DOK6: variants seen among roughly 807,000 people sequenced by gnomAD.
DOK6 encodes the protein downstream of tyrosine kinase 6.
Under a neutral mutation model 44.0 loss-of-function variants are expected in DOK6, and 22 were observed. That is an observed-to-expected ratio of 0.50 (90% CI 0.36 to 0.71). The LOEUF (loss-of-function observed/expected upper bound fraction) is 0.71, where lower values mean the gene tolerates loss of function less well. DOK6 is among the 30% of genes least tolerant of loss of function. DOK6 has a pLI of 0.00. For missense variants in DOK6, 340 were observed against 416.4 expected (o/e 0.82, Z 1.60); for synonymous variants, 166 against 145.5 (o/e 1.14, Z -1.01).
At chr18:69,612,180 C>T (rs954262430) in intron 3 of DOK6, among the ~76,000 whole-genome samples, 9 of 150,454 alleles carry the variant, frequency 6.0e-5, no homozygotes, top group African/African-American at 2.2e-4. Context: ...AGGTATATGT[C>T]TGTGATCTTA....
chr18:69,707,617 T>A (rs2144711988), intron 5 of DOK6, among the ~76,000 whole-genome samples: 1 of 152,326 alleles, frequency 6.6e-6, no homozygotes, highest in Non-Finnish European at 1.5e-5. Context: ...CAACTGGAAC[T>A]GATCTCTCAC....
At chr18:69,555,154 T>C (rs1369093779) in intron 1 of DOK6, among the ~76,000 whole-genome samples, 1 of 152,224 alleles carries the variant, frequency 6.6e-6, no homozygotes, top group East Asian at 1.9e-4. Context: ...CAATAATGTT[T>C]TGTGTCTTAT....
In DOK6 at chr18:69,439,206, T is replaced by C. The variant is rs375514129; in HGVS notation, c.66+37896T>C. ...GTAGGTCTCAACATTAGGCTTAAAA[T>C]ATTCAGTAAACCATGCTGTAAACAG... On this transcript the variant is annotated intron_variant, in intron 1 of 7. Coordinates refer to ENST00000382713, the MANE Select transcript of DOK6 (RefSeq NM_152721.6). 2.6e-4 allele frequency among the ~76,000 whole-genome samples: 40 copies of C among 152,368 alleles called. 2 individuals carry two copies. The South Asian group carries it at 8.3e-3, about 32-fold the overall frequency.
intron 1 of DOK6, among the ~76,000 whole-genome samples, chr18:69,403,812 G>C (rs768735574): frequency 3.9e-5 from 6 of 152,068 alleles, no homozygotes; most frequent in Non-Finnish European, 8.8e-5. Flanking sequence ...GCCTTAAAGA[G>C]TCATACCCCA....
At position 69,848,062 on chromosome 18, in the gene DOK6, C is replaced by CAT. The variant is rs1555674713; in HGVS notation, c.*6680_*6681dup. ...ACACACACACACACACACACACACA[C>CAT]ATTTTTGGCTTTTGACCCACTCTGT... On this transcript the variant is annotated 3_prime_UTR_variant, in exon 8 of 8. Coordinates refer to ENST00000382713, the MANE Select transcript of DOK6 (RefSeq NM_152721.6). 2 of 131,568 alleles carry CAT rather than the reference C, an allele frequency of 1.5e-5. No homozygotes were observed. Among genetic ancestry groups the CAT allele is most frequent in the African/African-American group, 5.5e-5 (2 of 36,088 alleles). The allele number at this position is 131,568 out of a possible 1,614,324, so 8.2% of individuals were successfully genotyped here.
At chr18:69,734,939 A>C (rs1978553214) in intron 5 of DOK6, among the ~76,000 whole-genome samples, 1 of 152,204 alleles carries the variant, frequency 6.6e-6, no homozygotes, top group African/African-American at 2.4e-5. Flanking sequence ...GACAAGAAAA[A>C]GAGGGCGTGG....
At chr18:69,580,813 C>A (rs887624851) in intron 2 of DOK6, among the ~76,000 whole-genome samples, 2 of 152,096 alleles carry the variant, frequency 1.3e-5, no homozygotes, top group Non-Finnish European at 2.9e-5. Flanking sequence ...ATTTAAAAAA[C>A]AACTTCTCAA....
intron 2 of DOK6, among the ~76,000 whole-genome samples, chr18:69,597,708 G>A (rs1448993087): frequency 6.9e-6 from 1 of 144,522 alleles, no homozygotes; most frequent in Non-Finnish European, 1.6e-5. Context: ...AGCATCGCCT[G>A]CTCAACCTCA....
chr18:69,447,049 G>T (rs565449344), intron 1 of DOK6, among the ~76,000 whole-genome samples: 12 of 152,226 alleles, frequency 7.9e-5, no homozygotes, highest in Admixed American at 6.5e-4. Flanking sequence ...GCAGAAGCTT[G>T]TTAATTTAAT....
At chr18:69,747,872 A>T (rs537802921) in intron 6 of DOK6, among the ~76,000 whole-genome samples, 25 of 152,296 alleles carry the variant, frequency 1.6e-4, no homozygotes, top group African/African-American at 5.8e-4. Flanking sequence ...GACTCAGAAG[A>T]AGTGAGAGGA....
intron 5 of DOK6, among the ~76,000 whole-genome samples, 164 bp downstream of exon 5, chr18:69,698,757 T>C (rs570679920): frequency 6.6e-6 from 1 of 152,354 alleles, no homozygotes; most frequent in Non-Finnish European, 1.5e-5. Flanking sequence ...CTTAATAACA[T>C]GAATACAATT....
intron 3 of DOK6, among the ~76,000 whole-genome samples, chr18:69,654,126 T>G (rs539567257): frequency 1.2e-4 from 19 of 152,134 alleles, no homozygotes; most frequent in Non-Finnish European, 2.2e-4. Flanking sequence ...AGGGTGTTAG[T>G]AAACAGAAAT....
chr18:69,725,949 C>T (rs12956753), intron 5 of DOK6, among the ~76,000 whole-genome samples: 28,974 of 152,084 alleles, frequency 0.19, 2,890 homozygotes, highest in Middle Eastern at 0.28. Flanking sequence ...CCTTTGCTTC[C>T]CTTTCACAAC....
At chr18:69,458,686 G>T (rs528267603) in intron 1 of DOK6, among the ~76,000 whole-genome samples, 1 of 151,854 alleles carries the variant, frequency 6.6e-6, no homozygotes, top group Admixed American at 6.6e-5. Flanking sequence ...TTTTAGCAAG[G>T]TTTCAGGATA....
At chr18:69,770,289 G>A (rs749474962) in intron 7 of DOK6, among the ~76,000 whole-genome samples, 1 of 152,054 alleles carries the variant, frequency 6.6e-6, no homozygotes, top group African/African-American at 2.4e-5. Flanking sequence ...ACACAGAGTG[G>A]GATTATCAAC....
intron 7 of DOK6, among the ~76,000 whole-genome samples, chr18:69,766,892 A>C (rs539564367): frequency 6.6e-6 from 1 of 152,216 alleles, no homozygotes; most frequent in Admixed American, 6.5e-5. Context: ...CAGAGTTCTT[A>C]CTGTGCTTGG....
chr18:69,833,006 T>G (rs1179368812), intron 7 of DOK6, among the ~76,000 whole-genome samples: 1 of 152,132 alleles, frequency 6.6e-6, no homozygotes, highest in African/African-American at 2.4e-5. Context: ...ATCTACAGAT[T>G]CGATGCAATC....
chr18:69,685,979 C>T (rs146643938), intron 4 of DOK6, among the ~76,000 whole-genome samples: 6 of 152,128 alleles, frequency 3.9e-5, no homozygotes, highest in African/African-American at 1.4e-4. Flanking sequence ...AAGTCCTAAC[C>T]CCTGGTACCT....
intron 2 of DOK6, among the ~76,000 whole-genome samples, chr18:69,566,799 C>T (rs1262131474): frequency 6.6e-6 from 1 of 152,330 alleles, no homozygotes; most frequent in East Asian, 1.9e-4. Flanking sequence ...TCAGGTAAAA[C>T]TTCTCTGCAA....
Sources: gnomAD v4.1 joint callset for allele counts (sites outside exome capture counted in the v4.1 genomes callset) on GRCh38, gnomAD v4.1.1 for gene constraint, MANE v1.5 for transcripts, NCBI Gene and HGNC (gene_info 2026-07-23, HGNC 2026-07-21) for gene names.